LRRC4C: variants seen among roughly 807,000 people sequenced by gnomAD.
The protein encoded by LRRC4C is leucine-rich repeat-containing protein 4C.
A neutral mutation model predicts 33.6 loss-of-function variants in LRRC4C; 5 were observed. The observed-to-expected ratio is 0.15, with a 90% CI of 0.08 to 0.31. The LOEUF is 0.31. LRRC4C is among the 10% of genes least tolerant of loss of function. LRRC4C has a pLI of 1.00. For synonymous variants in LRRC4C, 329 were observed against 302.0 expected, an observed-to-expected ratio of 1.09 and a Z score of -0.93; for missense variants, 560 against 796.7, an observed-to-expected ratio of 0.70 and a Z score of 3.58.
chr11:41,009,576 A>G (rs1463281442), intron 1 of LRRC4C, among the ~76,000 whole-genome samples: 1 of 152,138 alleles, frequency 6.6e-6, no homozygotes, highest in Admixed American at 6.6e-5. Flanking sequence ...AAGAAAAAAA[A>G]ATCAGAGAAT....
chr11:40,114,960 C>A lies in LRRC4C; in HGVS notation c.1333G>T (p.Ala445Ser), dbSNP rs371939041. ...TAAGAGAAAGGAGTAGTGGTTGCTG[C>A]AGTAACATTCAGGGTGGCTGAAGCA... is the stretch of plus-strand genomic sequence containing the variant. ...TTASATLNVT[A>S]ATTTPFSYFS... The change falls in exon 7 of 7, where the codon GCA (alanine) becomes TCA (serine). Residue 445 changes from alanine to serine, a missense_variant. By Grantham distance (99) the Ala-to-Ser change is moderately conservative (BLOSUM62 1). This residue lies in a region of LRRC4C where 455 missense variants were observed against 643.8 expected (regional missense o/e 0.71). Transcript: ENST00000528697. 5 of 1,614,066 alleles carry A rather than the reference C, an allele frequency of 3.1e-6. No homozygotes were observed. Among genetic ancestry groups the A allele is most frequent in the South Asian group, 1.1e-5 (1 of 91,088 alleles).
intron 2 of LRRC4C, among the ~76,000 whole-genome samples, chr11:40,791,427 G>A (rs975456539): frequency 3.2e-4 from 48 of 152,100 alleles, no homozygotes; most frequent in African/African-American, 1.0e-3. Flanking sequence ...AATGAACAAG[G>A]AATAGGGAGG....
chr11:41,161,335 T>C (rs1237826488), intron 1 of LRRC4C, among the ~76,000 whole-genome samples: 1 of 152,206 alleles, frequency 6.6e-6, no homozygotes, highest in Admixed American at 6.6e-5. Flanking sequence ...CTCCTGCTTA[T>C]TTCTGTTTTC....
At chr11:40,866,583 G>A (rs1423782442) in intron 2 of LRRC4C, among the ~76,000 whole-genome samples, 5 of 152,096 alleles carry the variant, frequency 3.3e-5, no homozygotes, top group Non-Finnish European at 5.9e-5. Flanking sequence ...TAAGTGAAGA[G>A]GTGTGACAGT....
At chr11:40,490,277 T>C (rs1368600002) in intron 3 of LRRC4C, among the ~76,000 whole-genome samples, 1 of 152,158 alleles carries the variant, frequency 6.6e-6, no homozygotes, top group Non-Finnish European at 1.5e-5. Flanking sequence ...AATCTTTTAG[T>C]TATTATTAGA....
At chr11:40,920,726 C>T (rs906135381) in intron 2 of LRRC4C, among the ~76,000 whole-genome samples, 8 of 152,006 alleles carry the variant, frequency 5.3e-5, no homozygotes, top group Admixed American at 3.3e-4. Context: ...CTTTGTGGTA[C>T]GTAGAATAAC....
chr11:41,097,217 A>G (rs1157092601), intron 1 of LRRC4C, among the ~76,000 whole-genome samples: 1 of 152,166 alleles, frequency 6.6e-6, no homozygotes, highest in Non-Finnish European at 1.5e-5. Flanking sequence ...CAATCAACAT[A>G]TCAAGAAATA....
chr11:41,343,526 C>A (rs1038515762), intron 1 of LRRC4C, among the ~76,000 whole-genome samples: 1 of 152,088 alleles, frequency 6.6e-6, no homozygotes, highest in Non-Finnish European at 1.5e-5. Context: ...ATACTTAAAG[C>A]AATGAAGACC....
rs775109993 is a variant in LRRC4C, at chr11:40,183,004, T to C, written c.-95-42151A>G. Among the ~76,000 whole-genome samples, 7 of 152,192 alleles carry C rather than the reference T, an allele frequency of 4.6e-5. 1 individual carries two copies. The highest frequency in any genetic ancestry group is 2.0e-4 in the Admixed American group (3 of 15,278). Reference sequence around the variant, plus strand: ...AAGCTAGTAGATGGCACAGCAGATATGTGAATCCAGCTGGTTTGGCTTCAT... The same window carrying C: ...AAGCTAGTAGATGGCACAGCAGATACGTGAATCCAGCTGGTTTGGCTTCAT... On this transcript the variant is annotated intron_variant, in intron 5 of 6. Coordinates refer to ENST00000528697, the MANE Select transcript of LRRC4C (RefSeq NM_001258419.2).
chr11:41,242,639 G>C (rs543144773), intron 1 of LRRC4C, among the ~76,000 whole-genome samples: 105 of 152,224 alleles, frequency 6.9e-4, no homozygotes, highest in South Asian at 2.7e-3. Flanking sequence ...TGAGGTGCTA[G>C]TGCTGTGTCT....
chr11:40,705,281 T>A (rs1475211417), intron 2 of LRRC4C, among the ~76,000 whole-genome samples: 1 of 152,116 alleles, frequency 6.6e-6, no homozygotes, highest in Non-Finnish European at 1.5e-5. Flanking sequence ...TATGTATATA[T>A]GTGCCTCTTT....
intron 2 of LRRC4C, among the ~76,000 whole-genome samples, chr11:40,672,119 T>C (rs1228720524): frequency 6.6e-6 from 1 of 152,178 alleles, no homozygotes; most frequent in Admixed American, 6.5e-5. Context: ...CAGAAATTGA[T>C]TTCTCACAGT....
chr11:40,606,860 A>G (rs986450986), intron 3 of LRRC4C, among the ~76,000 whole-genome samples: 19 of 152,172 alleles, frequency 1.2e-4, no homozygotes, highest in African/African-American at 4.6e-4. Flanking sequence ...ATAAAGTGCA[A>G]TAGATTCCAA....
At chr11:41,393,886 CAT>C (rs1357033353) in intron 1 of LRRC4C, among the ~76,000 whole-genome samples, 1 of 151,980 alleles carries the variant, frequency 6.6e-6, no homozygotes, top group Non-Finnish European at 1.5e-5. Flanking sequence ...CATTTCCTTG[CAT>C]ATGTTTACTC....
chr11:40,712,251 T>A (rs1440478917), intron 2 of LRRC4C, among the ~76,000 whole-genome samples: 1 of 152,216 alleles, frequency 6.6e-6, no homozygotes, highest in East Asian at 1.9e-4. Context: ...TTGCTAACAT[T>A]ATTTTCTTGA....
At chr11:40,129,799 C>A (rs191951858) in intron 6 of LRRC4C, among the ~76,000 whole-genome samples, 149 of 152,256 alleles carry the variant, frequency 9.8e-4, no homozygotes, top group African/African-American at 3.4e-3. Context: ...ATAGAATAGG[C>A]AAGGGACTGG....
chr11:40,861,064 T>C (rs1263807556), intron 2 of LRRC4C, among the ~76,000 whole-genome samples: 3 of 152,112 alleles, frequency 2.0e-5, no homozygotes, highest in Admixed American at 6.6e-5. Context: ...ATGTTGGAAG[T>C]GAACACAAGT....
chr11:40,287,782 G>C (rs796763963), intron 4 of LRRC4C, among the ~76,000 whole-genome samples: 2 of 152,272 alleles, frequency 1.3e-5, no homozygotes, highest in African/African-American at 4.8e-5. Flanking sequence ...AATTCACAAA[G>C]TATATTTCAA....
rs535842336 is a variant in LRRC4C at position 40,629,564 on chromosome 11, A to T, written c.-270+18578T>A. 9.2e-5 allele frequency among the ~76,000 whole-genome samples: 14 copies of T among 152,304 alleles called. 1 individual carries two copies. In the East Asian group the frequency reaches 2.7e-3, roughly 29 times the overall value. ...CTAGAACATGTGCTTCAGAAAATGC[A>T]CTTTCTGCTGACAAGAATGGATTCA... On this transcript the variant is annotated intron_variant, in intron 3 of 6. Transcript: ENST00000528697.
Sources: gnomAD v4.1 joint callset for allele counts (sites outside exome capture counted in the v4.1 genomes callset) on GRCh38, gnomAD v4.1.1 for gene constraint, gnomAD v4.1.1 regional missense constraint, MANE v1.5 for transcripts, NCBI Gene and HGNC (gene_info 2026-07-23, HGNC 2026-07-21) for gene names.